The following RMND5A variants were observed in gnomAD, a reference collection of about 807,000 sequenced individuals.
RMND5A encodes E3 ubiquitin-protein transferase RMND5A.
A neutral mutation model predicts 49.7 loss-of-function variants in RMND5A; 17 were observed. That is an observed-to-expected ratio of 0.34 (90% CI 0.23 to 0.51). The LOEUF is 0.51. RMND5A is among the 20% of genes least tolerant of loss of function. RMND5A has a pLI of 0.96. For missense variants in RMND5A, 255 were observed against 471.3 expected, an observed-to-expected ratio of 0.54 and a Z score of 4.25; for synonymous variants, 156 against 167.7, an observed-to-expected ratio of 0.93 and a Z score of 0.54.
chr2:86,742,785 C>T (rs1184849532), intron 2 of RMND5A, among the ~76,000 whole-genome samples: 1 of 149,942 alleles, frequency 6.7e-6, no homozygotes, highest in African/African-American at 2.5e-5. Context: ...CACCAGGCTG[C>T]CTGCAGTTAT....
rs1362993197 is a variant in RMND5A, at chr2:86,775,420, G to A, written c.*2009G>A. The A allele has an allele frequency of 6.8e-6, 1 of 146,716 alleles. No homozygotes were observed. The highest frequency in any genetic ancestry group is 2.5e-5 in the African/African-American group (1 of 39,494). The allele number at this position is 146,716 out of a possible 1,614,324, so 9.1% of individuals were successfully genotyped here. On this transcript the variant is annotated 3_prime_UTR_variant, in exon 9 of 9. Transcript: ENST00000283632. ...ACCCAAACACCTACACAACGTTTAG[G>A]CTTCCTGTAAGGTTTGAATGAGACA...
rs559043872 is a variant in RMND5A, at chr2:86,755,678, G to A, written c.521+2120G>A. Among the ~76,000 whole-genome samples, 14 of 152,188 alleles carry A rather than the reference G, an allele frequency of 9.2e-5. No homozygotes were observed. In the East Asian group the frequency reaches 9.6e-4, roughly 10 times the overall value. On this transcript the variant is annotated intron_variant, in intron 4 of 8. Transcript: ENST00000283632. ...CCTAAGAGCCTTTTAAACTTTGTGC[G>A]TATATAAGATATGTTTCTTATTGAT...
chr2:86,771,081 G>A (rs1672678638), intron 7 of RMND5A, among the ~76,000 whole-genome samples: 13 of 152,202 alleles, frequency 8.5e-5, no homozygotes, highest in Admixed American at 8.5e-4. Context: ...AGGCACAGGT[G>A]CAGTCCTGGT....
intron 2 of RMND5A, 54 bp from the exon 3 acceptor site, chr2:86,751,842 T>C: frequency 4.5e-6 from 7 of 1,563,552 alleles, no homozygotes; most frequent in Non-Finnish European, 6.1e-6. Context: ...TTTTTCCTGT[T>C]AAGTGGGGTG....
intron 2 of RMND5A, among the ~76,000 whole-genome samples, chr2:86,747,538 G>A (rs1268394772): frequency 6.6e-6 from 1 of 152,138 alleles, no homozygotes; most frequent in Non-Finnish European, 1.5e-5. Context: ...ATGCTTAAAA[G>A]GGAAATTAAT....
intron 4 of RMND5A, among the ~76,000 whole-genome samples, chr2:86,758,912 A>T (rs1195292711): frequency 6.6e-6 from 1 of 152,198 alleles, no homozygotes; most frequent in Non-Finnish European, 1.5e-5. Context: ...GTTACTAAGG[A>T]CATTTCACCA....
Position 86,720,969 on chromosome 2 carries a change from T to G in RMND5A, c.142+160T>G, listed in dbSNP as rs1029067324. ...AGACCCCTGAGACTTTTTCCCCTCT[T>G]CGTCCGATTTACCTCGAACCTGCCG... On this transcript the variant is annotated intron_variant, in intron 1 of 8. Coordinates refer to ENST00000283632, the MANE Select transcript of RMND5A (RefSeq NM_022780.4). 1.2e-5 allele frequency: 7 copies of G among 579,014 alleles called. No individual in the cohort carries two copies. In the African/African-American group the frequency reaches 1.4e-4, roughly 12 times the overall value. 35.9% of individuals were successfully genotyped at this position (579,014 alleles called of 1,614,324 possible). A position where few individuals can be genotyped will look rare whatever the true frequency, so the allele number is the denominator to read the frequency against.
chr2:86,762,700 C>CATATATATATG (rs1380564565), intron 4 of RMND5A, among the ~76,000 whole-genome samples: 2 of 5,498 alleles, frequency 3.6e-4, no homozygotes, highest in African/African-American at 1.2e-3. Flanking sequence ...TCATATATAT[C>CATATATATATG]ATATATATCA....
chr2:86,774,909 A>G lies in RMND5A; in HGVS notation c.*1498A>G, dbSNP rs1195406811. ...GTTTTACAGTAGTACACCAGCCTGG[A>G]TGTTTTTTCTAAAATGTTTACCTGG... On this transcript the variant is annotated 3_prime_UTR_variant, in exon 9 of 9. Coordinates refer to ENST00000283632, the MANE Select transcript of RMND5A (RefSeq NM_022780.4). The G allele has an allele frequency of 1.2e-4, 19 of 152,646 alleles. No individual in the cohort carries two copies. The highest frequency in any genetic ancestry group is 1.2e-3 in the Admixed American group (19 of 15,278). 9.5% of individuals were successfully genotyped at this position (152,646 alleles called of 1,614,324 possible). A position where few individuals can be genotyped will look rare whatever the true frequency, so the allele number is the denominator to read the frequency against.
At chr2:86,766,477 A>G (rs892057883) in intron 6 of RMND5A, among the ~76,000 whole-genome samples, 3 of 152,126 alleles carry the variant, frequency 2.0e-5, no homozygotes, top group African/African-American at 7.2e-5. Flanking sequence ...CAGCCTGGCC[A>G]ACATAGTGAA....
chr2:86,744,381 G>A (rs142323011), intron 2 of RMND5A, among the ~76,000 whole-genome samples: 35 of 152,296 alleles, frequency 2.3e-4, no homozygotes, highest in African/African-American at 7.5e-4. Context: ...TGAATCCAGT[G>A]TGGCATAAGG....
intron 3 of RMND5A, 81 bp from the exon 4 acceptor site, chr2:86,753,377 A>G: frequency 1.3e-6 from 1 of 772,974 alleles, no homozygotes; most frequent in Non-Finnish European, 2.1e-6. Context: ...CCCATATTTT[A>G]CAATCTAGAA....
intron 2 of RMND5A, among the ~76,000 whole-genome samples, chr2:86,749,493 C>T (rs922054384): frequency 4.0e-5 from 6 of 151,686 alleles, no homozygotes; most frequent in African/African-American, 9.7e-5. Flanking sequence ...TGGGTTCAAG[C>T]GATTCTCCTT....
intron 1 of RMND5A, among the ~76,000 whole-genome samples, chr2:86,721,435 A>C (rs1452081176): frequency 1.3e-5 from 2 of 151,894 alleles, no homozygotes; most frequent in Non-Finnish European, 2.9e-5. Flanking sequence ...GGTTCCTTGG[A>C]AACCAGCTCA....
At chr2:86,745,282 C>T (rs934498930) in intron 2 of RMND5A, among the ~76,000 whole-genome samples, 6 of 152,028 alleles carry the variant, frequency 3.9e-5, no homozygotes, top group African/African-American at 1.5e-4. Context: ...TACTACATGT[C>T]CTTTATAAGA....
chr2:86,731,488 C>A lies in RMND5A; in HGVS notation c.143-9439C>A, dbSNP rs1573428638. ...AGCACTCAATAAATGTTAATTGACT[C>A]TAAATGTTATAGTTCTCCCTTTTAC... On this transcript the variant is annotated intron_variant, in intron 1 of 8. Transcript: ENST00000283632. 5.5e-5 allele frequency among the ~76,000 whole-genome samples: 2 copies of A among 36,292 alleles called. 1 individual carries two copies. Among genetic ancestry groups the A allele is most frequent in the Admixed American group, 4.6e-4 (2 of 4,338 alleles). 23.8% of individuals were successfully genotyped at this position (36,292 alleles called of 152,430 possible). A position where few individuals can be genotyped will look rare whatever the true frequency, so the allele number is the denominator to read the frequency against.
intron 5 of RMND5A, chr2:86,765,542 T>A: frequency 2.8e-6 from 1 of 359,326 alleles, no homozygotes; most frequent in South Asian, 4.0e-5. Flanking sequence ...CACGAAACTG[T>A]GTAGGAAACA....
chr2:86,762,729 TATATATC>T (rs1422226410), intron 4 of RMND5A, among the ~76,000 whole-genome samples: 6 of 118,304 alleles, frequency 5.1e-5, no homozygotes, highest in Non-Finnish European at 8.6e-5. Flanking sequence ...ATATATATCA[TATATATC>T]ATATATATAT....
intron 8 of RMND5A, among the ~76,000 whole-genome samples, chr2:86,772,311 C>T (rs183006301): frequency 4.6e-5 from 7 of 152,022 alleles, no homozygotes; most frequent in East Asian, 3.9e-4. Context: ...AAAAATTAGC[C>T]GGGTGTGGTG....
Sources: allele counts gnomAD v4.1 joint callset (sites outside exome capture counted in the v4.1 genomes callset), GRCh38; gene constraint gnomAD v4.1.1; transcripts MANE v1.5; gene names NCBI Gene and HGNC (gene_info 2026-07-23, HGNC 2026-07-21).